LDLRAD4: variants seen among roughly 807,000 people sequenced by gnomAD.
LDLRAD4 encodes low-density lipoprotein receptor class A domain-containing protein 4.
In LDLRAD4, 5 loss-of-function variants were observed where a neutral mutation model predicts 17.0. That is an observed-to-expected ratio of 0.29 (90% CI 0.15 to 0.62). The LOEUF is 0.62. LDLRAD4 is among the 20% of genes least tolerant of loss of function. The pLI, the probability that LDLRAD4 is intolerant of heterozygous loss-of-function variation, is 0.84. For missense variants in LDLRAD4, 340 were observed against 424.7 expected (o/e 0.80, Z 1.75); for synonymous variants, 168 against 171.8 (o/e 0.98, Z 0.17).
intron 3 of LDLRAD4, among the ~76,000 whole-genome samples, chr18:13,529,447 T>C (rs2094092720): frequency 6.6e-6 from 1 of 152,178 alleles, no homozygotes; most frequent in Admixed American, 6.5e-5. Context: ...AAAATGCATA[T>C]GGAGACCTTG....
At chr18:13,477,242 A>T (rs1206265166) in intron 3 of LDLRAD4, among the ~76,000 whole-genome samples, 1 of 152,170 alleles carries the variant, frequency 6.6e-6, no homozygotes, top group Admixed American at 6.5e-5. Context: ...TGGCCTAAAA[A>T]AAGCTGGGGC....
At chr18:13,506,468 T>G (rs1249781944) in intron 3 of LDLRAD4, among the ~76,000 whole-genome samples, 1 of 151,058 alleles carries the variant, frequency 6.6e-6, no homozygotes, top group African/African-American at 2.4e-5. Flanking sequence ...CTTTTAACTT[T>G]GTTGGTGGTT....
At chr18:13,509,086 T>G (rs2093738480) in intron 3 of LDLRAD4, among the ~76,000 whole-genome samples, 1 of 152,186 alleles carries the variant, frequency 6.6e-6, no homozygotes, top group Non-Finnish European at 1.5e-5. Flanking sequence ...GAGGATCACC[T>G]GAGCCCAGGA....
chr18:13,576,332 G>A (rs2094769722), intron 3 of LDLRAD4, among the ~76,000 whole-genome samples: 1 of 149,686 alleles, frequency 6.7e-6, no homozygotes, highest in Admixed American at 6.7e-5. Flanking sequence ...TGAGGCAGGA[G>A]AATAGCGTGA....
At chr18:13,533,943 G>C (rs180841015) in intron 3 of LDLRAD4, among the ~76,000 whole-genome samples, 46 of 152,264 alleles carry the variant, frequency 3.0e-4, no homozygotes, top group Non-Finnish European at 4.4e-5. Flanking sequence ...GCAGTTTTAA[G>C]ATTGCATTTT....
At chr18:13,426,482 T>G (rs1172116911) in intron 2 of LDLRAD4, among the ~76,000 whole-genome samples, 2 of 152,192 alleles carry the variant, frequency 1.3e-5, no homozygotes, top group Non-Finnish European at 2.9e-5. Flanking sequence ...GAGGTTCCCA[T>G]CTCTCTGCCC....
chr18:13,365,085 G>A (rs1344433536), intron 1 of LDLRAD4, among the ~76,000 whole-genome samples: 1 of 152,212 alleles, frequency 6.6e-6, no homozygotes, highest in Non-Finnish European at 1.5e-5. Flanking sequence ...GATGGAGGGA[G>A]ACAGGGAAAG....
chr18:13,320,205 A>G (rs930999696), intron 1 of LDLRAD4, among the ~76,000 whole-genome samples: 41 of 152,178 alleles, frequency 2.7e-4, no homozygotes, highest in African/African-American at 8.7e-4. Context: ...CCTCTGAGGG[A>G]AAAGAATCAT....
At chr18:13,488,202 G>A (rs1416572635) in intron 3 of LDLRAD4, 1 of 152,506 alleles carries the variant, frequency 6.6e-6, no homozygotes, top group Non-Finnish European at 1.5e-5. Flanking sequence ...CTTCTGTGTT[G>A]GGTTTGCCCT....
At chr18:13,557,610 C>T (rs185253041) in intron 3 of LDLRAD4, among the ~76,000 whole-genome samples, 1 of 152,308 alleles carries the variant, frequency 6.6e-6, no homozygotes, top group Admixed American at 6.5e-5. Flanking sequence ...CCGTGTTAGC[C>T]AGAATGGTCT....
At chr18:13,467,820 G>C (rs887921523) in intron 3 of LDLRAD4, among the ~76,000 whole-genome samples, 1 of 152,218 alleles carries the variant, frequency 6.6e-6, no homozygotes, top group Non-Finnish European at 1.5e-5. Flanking sequence ...TGAGAGTCCG[G>C]ACATCCACAC....
At chr18:13,257,893 A>G (rs2145905475) in intron 1 of LDLRAD4, among the ~76,000 whole-genome samples, 1 of 152,308 alleles carries the variant, frequency 6.6e-6, no homozygotes, top group South Asian at 2.1e-4. Context: ...ATAGATGGAT[A>G]ATGGTAAAGA....
At chr18:13,302,289 C>A (rs750723563) in intron 1 of LDLRAD4, among the ~76,000 whole-genome samples, 1 of 152,172 alleles carries the variant, frequency 6.6e-6, no homozygotes. Flanking sequence ...AATGCCATCA[C>A]AAGATTAGTG....
At chr18:13,226,710 G>GAATAAAGTAA (rs2041823527) in intron 1 of LDLRAD4, among the ~76,000 whole-genome samples, 1 of 139,486 alleles carries the variant, frequency 7.2e-6, no homozygotes, top group African/African-American at 2.6e-5. Flanking sequence ...TTTAAAATTT[G>GAATAAAGTAA]AATAAAATAA....
chr18:13,513,377 G>A (rs2030378132), intron 3 of LDLRAD4, among the ~76,000 whole-genome samples: 1 of 152,206 alleles, frequency 6.6e-6, no homozygotes, highest in African/African-American at 2.4e-5. Flanking sequence ...ACCACTGTGG[G>A]CTAAACACAA....
At chr18:13,319,361 C>G (rs12959091) in intron 1 of LDLRAD4, among the ~76,000 whole-genome samples, 55,325 of 151,910 alleles carry the variant, frequency 0.36, 10,792 homozygotes, top group African/African-American at 0.5. Flanking sequence ...CGTGAGCCAG[C>G]TCGCTCCTGA....
chr18:13,478,311 G>C (rs1373609120), intron 3 of LDLRAD4, among the ~76,000 whole-genome samples: 1 of 152,192 alleles, frequency 6.6e-6, no homozygotes, highest in African/African-American at 2.4e-5. Flanking sequence ...CCAAGTGTTG[G>C]TGTGCTGCCC....
chr18:13,455,934 G>A (rs1165563080), intron 3 of LDLRAD4, among the ~76,000 whole-genome samples: 5 of 152,092 alleles, frequency 3.3e-5, no homozygotes, highest in Non-Finnish European at 7.4e-5. Flanking sequence ...AGCTTCCGAA[G>A]TCTGGTTGCC....
At chr18:13,603,878 C>T (rs1418775128) in intron 3 of LDLRAD4, among the ~76,000 whole-genome samples, 1 of 152,256 alleles carries the variant, frequency 6.6e-6, no homozygotes, top group Non-Finnish European at 1.5e-5. Flanking sequence ...TCCTGCAGTG[C>T]ATCGTGGTGG....
Sources: allele counts gnomAD v4.1 joint callset (sites outside exome capture counted in the v4.1 genomes callset), GRCh38; gene constraint gnomAD v4.1.1; transcripts MANE v1.5; gene names NCBI Gene and HGNC (gene_info 2026-07-23, HGNC 2026-07-21).